Variants in TCF4 observed in about 807,000 individuals in gnomAD.
The protein encoded by TCF4 is SL3-3 enhancer factor 2.
Under a neutral mutation model 82.1 loss-of-function variants are expected in TCF4, and 3 were observed. The observed-to-expected ratio is 0.04, with a 90% CI of 0.02 to 0.09. The LOEUF is 0.09. TCF4 is among the 10% of genes least tolerant of loss of function. The pLI is 1.00. For synonymous variants in TCF4, 276 were observed against 309.6 expected (o/e 0.89, Z 1.14); for missense variants, 518 against 852.7 (o/e 0.61, Z 4.89).
At chr18:55,321,563 T>G in intron 8 of TCF4, 1 of 1,463,140 alleles carries the variant, frequency 6.8e-7, no homozygotes, top group Non-Finnish European at 9.3e-7. Flanking sequence ...CCCAGGAAGG[T>G]GCGGCAGTCC....
At chr18:55,542,135 T>C (rs1003325654) in intron 3 of TCF4, among the ~76,000 whole-genome samples, 1 of 152,018 alleles carries the variant, frequency 6.6e-6, no homozygotes, top group African/African-American at 2.4e-5. Context: ...AACTATATGA[T>C]GTTATAGTAT....
intron 3 of TCF4, among the ~76,000 whole-genome samples, chr18:55,474,050 T>C (rs1447755536): frequency 6.6e-6 from 1 of 152,164 alleles, no homozygotes; most frequent in Non-Finnish European, 1.5e-5. Flanking sequence ...TAAAAAGAGG[T>C]AAATTAGTAT....
chr18:55,264,125 C>G (rs1246186705), intron 11 of TCF4, among the ~76,000 whole-genome samples: 1 of 152,062 alleles, frequency 6.6e-6, no homozygotes, highest in African/African-American at 2.4e-5. Flanking sequence ...GATATTATGA[C>G]CAATCTGATT....
At chr18:55,449,430 C>G (rs1022553248) in intron 5 of TCF4, among the ~76,000 whole-genome samples, 3 of 152,210 alleles carry the variant, frequency 2.0e-5, no homozygotes, top group Non-Finnish European at 4.4e-5. Context: ...CTTTCAAAAA[C>G]ACGGATATTA....
At chr18:55,524,309 G>C (rs2096959175) in intron 3 of TCF4, among the ~76,000 whole-genome samples, 1 of 151,620 alleles carries the variant, frequency 6.6e-6, no homozygotes, top group Admixed American at 6.6e-5. Flanking sequence ...TCTTACATTT[G>C]TGCTGAGTGT....
intron 2 of TCF4, among the ~76,000 whole-genome samples, chr18:55,615,381 G>C (rs1436599305): frequency 6.6e-6 from 1 of 151,144 alleles, no homozygotes; most frequent in Non-Finnish European, 1.5e-5. Context: ...TTTTGCATAA[G>C]TTATCTTGTA....
At chr18:55,490,325 CAACA>C (rs1765947442) in intron 3 of TCF4, among the ~76,000 whole-genome samples, 1 of 152,072 alleles carries the variant, frequency 6.6e-6, no homozygotes, top group Non-Finnish European at 1.5e-5. Context: ...GCCAAAACAG[CAACA>C]AACGTGGGCT....
chr18:55,586,073 T>G, intron 2 of TCF4: 3 of 1,425,346 alleles, frequency 2.1e-6, no homozygotes, highest in Non-Finnish European at 2.8e-6. Flanking sequence ...CTACGTTTCC[T>G]GGCAAAACTT....
chr18:55,325,147 A>G (rs550953869), intron 8 of TCF4, among the ~76,000 whole-genome samples: 1 of 152,370 alleles, frequency 6.6e-6, no homozygotes, highest in African/African-American at 2.4e-5. Flanking sequence ...GTAAATATTC[A>G]GAATCTACAT....
At position 55,454,621 on chromosome 18, in the gene TCF4, C is replaced by A. The variant is rs77237832; in HGVS notation, c.304+6398G>T. ...AAAAGGAATATCTATTTTAGTTAGG[C>A]TTTAAAGAATTACATTTGGAAAACA... On this transcript the variant is annotated intron_variant, in intron 5 of 19. Coordinates refer to ENST00000354452, the MANE Select transcript of TCF4 (RefSeq NM_001083962.2). Among the ~76,000 whole-genome samples, 955 of 152,216 alleles carry A rather than the reference C, an allele frequency of 6.3e-3. 12 individuals are homozygous for A. Among genetic ancestry groups the A allele is most frequent in the African/African-American group, 0.022 (926 of 41,520 alleles).
At chr18:55,329,167 G>A (rs535681492) in intron 8 of TCF4, among the ~76,000 whole-genome samples, 2 of 152,192 alleles carry the variant, frequency 1.3e-5, no homozygotes, top group East Asian at 1.9e-4. Flanking sequence ...TTTCAAGTTC[G>A]TGTTTAGCAG....
At chr18:55,546,929 G>A (rs1328613484) in intron 3 of TCF4, 1 of 152,254 alleles carries the variant, frequency 6.6e-6, no homozygotes, top group Non-Finnish European at 1.5e-5. Context: ...AGTAAGTGAA[G>A]GGGAGAAAAA....
chr18:55,480,384 T>C (rs944173743), intron 3 of TCF4, among the ~76,000 whole-genome samples: 4 of 151,032 alleles, frequency 2.6e-5, no homozygotes, highest in African/African-American at 2.4e-5. Flanking sequence ...ATACAAAATG[T>C]ACATAAAATA....
chr18:55,538,016 C>CTG (rs1333301500), intron 3 of TCF4, among the ~76,000 whole-genome samples: 15 of 118,672 alleles, frequency 1.3e-4, no homozygotes, highest in Non-Finnish European at 1.8e-4. Flanking sequence ...TTTTGCTAGT[C>CTG]TGCGCGCGCG....
chr18:55,472,472 T>C (rs1318053652), intron 3 of TCF4, among the ~76,000 whole-genome samples: 1 of 152,198 alleles, frequency 6.6e-6, no homozygotes, highest in Non-Finnish European at 1.5e-5. Context: ...TTCAAGTGTA[T>C]GGGACTGGCT....
In TCF4 at chr18:55,302,327, C is replaced by T. The variant is rs1337167671; in HGVS notation, c.550-22671G>A. On this transcript the variant is annotated intron_variant, in intron 8 of 19. Coordinates refer to ENST00000354452, the MANE Select transcript of TCF4 (RefSeq NM_001083962.2). Reference sequence around the variant, plus strand: ...GAAGTAGTGCAAAGCAAATGGGTAACATACAAGTCAAAGCAGCACAGTGCA... The same window carrying T: ...GAAGTAGTGCAAAGCAAATGGGTAATATACAAGTCAAAGCAGCACAGTGCA... The T allele has an allele frequency of 3.3e-6, 4 of 1,200,952 alleles. No homozygotes were observed. The East Asian group carries it at 1.0e-4, about 31-fold the overall frequency. 74.4% of individuals were successfully genotyped at this position (1,200,952 alleles called of 1,614,324 possible).
intron 8 of TCF4, chr18:55,302,718 G>A (rs1305671470): frequency 1.8e-6 from 2 of 1,127,014 alleles, no homozygotes; most frequent in East Asian, 2.8e-5. Flanking sequence ...AGAAGGGGAG[G>A]TGGGACAAGC....
chr18:55,422,125 CAAAAAAAAAAAAA>C (rs555892552), intron 5 of TCF4: 66 of 323,464 alleles, frequency 2.0e-4, no homozygotes, highest in Non-Finnish European at 2.5e-4. Flanking sequence ...CACTATCATC[CAAAAAAAAAAAAA>C]AAAAAAAAAA....
At chr18:55,541,381 C>T (rs1235124243) in intron 3 of TCF4, among the ~76,000 whole-genome samples, 2 of 151,854 alleles carry the variant, frequency 1.3e-5, no homozygotes, top group African/African-American at 2.4e-5. Flanking sequence ...TTTAAAAACA[C>T]GGATACCAAT....
Sources: allele counts gnomAD v4.1 joint callset (sites outside exome capture counted in the v4.1 genomes callset), GRCh38; gene constraint gnomAD v4.1.1; transcripts MANE v1.5; gene names NCBI Gene and HGNC (gene_info 2026-07-23, HGNC 2026-07-21).